The following ATP1A3 variants were observed in gnomAD, a reference collection of about 807,000 sequenced individuals.
The protein encoded by ATP1A3 is ATPase Na+/K+ transporting subunit alpha 3.
ATP1A3 carries 12 observed loss-of-function variants against 108.8 expected under a neutral mutation model. That is an observed-to-expected ratio of 0.11 (90% confidence interval 0.07 to 0.18). The LOEUF (loss-of-function observed/expected upper bound fraction) is 0.18. Among genes scored for constraint, ATP1A3 ranks in the 10% least tolerant of loss-of-function variants. The probability of loss-of-function intolerance (pLI) is 1.00; values close to 1 mark genes in which losing one functional copy is unlikely to be tolerated. For missense variants in ATP1A3, 498 were observed against 1,387.7 expected, an observed-to-expected ratio of 0.36 and a Z score of 10.19; for synonymous variants, 539 against 564.5, an observed-to-expected ratio of 0.95 and a Z score of 0.64.
At chr19:41,989,349 C>T (rs1195900149) in intron 1 of ATP1A3, among the ~76,000 whole-genome samples, 7 of 142,044 alleles carry the variant, frequency 4.9e-5, no homozygotes, top group East Asian at 2.1e-4. Flanking sequence ...GACGGAGTCT[C>T]GCTTAGTCGC....
At chr19:41,984,315 TC>T (rs1318276299) in intron 8 of ATP1A3, 2 of 153,032 alleles carry the variant, frequency 1.3e-5, no homozygotes, top group Non-Finnish European at 2.9e-5. Flanking sequence ...AACCTCCGCC[TC>T]CCAGGTTCAA....
rs1227177351 is a variant in ATP1A3, at chr19:41,966,685, C to G, written c.*252G>C. ...AAAGAGCCCAGGGAGGTGGCTGGGG[C>G]GGGAGGAATGGATAGAGGGGTGAGG... On this transcript the variant is annotated 3_prime_UTR_variant, in exon 23 of 23. Coordinates refer to ENST00000648268, the MANE Select transcript of ATP1A3 (RefSeq NM_152296.5). The G allele has an allele frequency of 6.5e-7, 1 of 1,532,684 alleles. No individual in the cohort carries two copies. Among genetic ancestry groups the G allele is most frequent in the African/African-American group, 1.4e-5 (1 of 72,188 alleles). 94.9% of individuals were successfully genotyped at this position (1,532,684 alleles called of 1,614,324 possible).
At chr19:41,974,645 C>T (rs2075146960) in intron 16 of ATP1A3, among the ~76,000 whole-genome samples, 9 of 152,234 alleles carry the variant, frequency 5.9e-5, no homozygotes, top group Admixed American at 5.9e-4. Flanking sequence ...GAAGAAAATC[C>T]ACCAAGGCAT....
chr19:41,983,081 A>C (rs1170795099), intron 8 of ATP1A3, among the ~76,000 whole-genome samples: 1 of 151,126 alleles, frequency 6.6e-6, no homozygotes, highest in Non-Finnish European at 1.5e-5. Context: ...AAAACAGTAA[A>C]CTTTTTTTTT....
At chr19:41,969,012 C>G (rs2075073996) in intron 19 of ATP1A3, 97 bp from the exon 20 acceptor site, 1 of 1,578,588 alleles carries the variant, frequency 6.3e-7, no homozygotes, top group African/African-American at 1.3e-5. Context: ...CCGCCCCATC[C>G]TGCATGGGGT....
At position 41,968,695 on chromosome 19, in the gene ATP1A3, A is replaced by T. The variant is rs2075069922; in HGVS notation, c.2819+90T>A. 6.3e-7 allele frequency: 1 copy of T among 1,590,830 alleles called. No individual in the cohort carries two copies. The highest frequency in any genetic ancestry group is 1.3e-5 in the African/African-American group (1 of 74,366). On this transcript the variant is annotated intron_variant, in intron 20 of 22. Coordinates refer to ENST00000648268, the MANE Select transcript of ATP1A3 (RefSeq NM_152296.5). The surrounding 1 kb of genome is among the most constrained non-coding windows in gnomAD (Gnocchi z 5.0). Reference sequence around the variant, plus strand: ...TGCCTCAACAAAACAACAAAAAACCAAAGCAAGGACACAAGAGGAAGTACA... The same window carrying T: ...TGCCTCAACAAAACAACAAAAAACCTAAGCAAGGACACAAGAGGAAGTACA...
chr19:41,984,872 C>G (rs782006336), intron 8 of ATP1A3, 46 bp downstream of exon 8: 1 of 1,582,838 alleles, frequency 6.3e-7, no homozygotes, highest in South Asian at 1.1e-5. Flanking sequence ...CCCAGGAGCC[C>G]AGACCCCCAG....
intron 1 of ATP1A3, chr19:41,993,785 G>C (rs1473022217): frequency 1.6e-6 from 1 of 617,024 alleles, no homozygotes; most frequent in African/African-American, 1.9e-5. Context: ...ATACGCACAT[G>C]CAACTGTGCA....
intron 4 of ATP1A3, 55 bp downstream of exon 4, chr19:41,987,881 G>A (rs886857376): frequency 8.5e-5 from 135 of 1,592,052 alleles, no homozygotes; most frequent in East Asian, 1.3e-4. Context: ...GTTGGGGTGC[G>A]GTGTCCGTAA....
chr19:41,970,798 AT>A (rs538733809), intron 16 of ATP1A3, among the ~76,000 whole-genome samples: 2 of 149,468 alleles, frequency 1.3e-5, no homozygotes, highest in Non-Finnish European at 3.0e-5. Flanking sequence ...CGCCCGGCTA[AT>A]TTTTTTGTAT....
At position 41,969,600 on chromosome 19, in the gene ATP1A3, A is replaced by C. The variant is rs1555859325; in HGVS notation, c.2543-20T>G. 6.2e-7 allele frequency: 1 copy of C among 1,612,910 alleles called. No individual in the cohort carries two copies. The highest frequency in any genetic ancestry group is 1.1e-5 in the South Asian group (1 of 91,076). Reference sequence around the variant, plus strand: ...TCATTCCTGGAAGGAGGAGAGAGGAAGCCGAGGAGAGGCTCAGATTGGGGC... The same window carrying C: ...TCATTCCTGGAAGGAGGAGAGAGGACGCCGAGGAGAGGCTCAGATTGGGGC... On this transcript the variant is annotated intron_variant, in intron 18 of 22. Transcript: ENST00000648268.
In ATP1A3 at chr19:41,981,375, C is replaced by T. The variant is rs924963441; in HGVS notation, c.1437+127G>A. The stretch of plus-strand genomic sequence containing the variant: ...CCACTCTCAAGCTCTCCCTGTTCCT[C>T]TCCCCACCAGGCGGGTATTATCATT... On this transcript the variant is annotated intron_variant, in intron 11 of 22. Coordinates refer to ENST00000648268, the MANE Select transcript of ATP1A3 (RefSeq NM_152296.5). This position sits in a 1 kb window ranked among gnomAD's most constrained non-coding sequence, Gnocchi z 5.0. 1.4e-5 allele frequency: 20 copies of T among 1,460,970 alleles called. No individual in the cohort carries two copies. Among genetic ancestry groups the T allele is most frequent in the Non-Finnish European group, 1.8e-5 (19 of 1,051,184 alleles). 90.5% of individuals were successfully genotyped at this position (1,460,970 alleles called of 1,614,324 possible). A position where few individuals can be genotyped will look rare whatever the true frequency, so the allele number is the denominator to read the frequency against.
In ATP1A3 at chr19:41,977,961, T is replaced by C. The variant is rs1339490957; in HGVS notation, c.1918A>G (p.Ile640Val). Residue 640 changes from isoleucine (I) to valine (V), a missense_variant, in exon 14 of 23, where the codon ATT becomes GTT. Coordinates refer to ENST00000648268, the MANE Select transcript of ATP1A3 (RefSeq NM_152296.5). ...TVEDIAARLN[I>V]PVSQVNPRDA... Reference sequence around the variant, plus strand: ...CGGGGGTTAACCTGGCTGACGGGAATGTTGAGCCGGGCGGCGATGTCCTCC... The same window carrying C: ...CGGGGGTTAACCTGGCTGACGGGAACGTTGAGCCGGGCGGCGATGTCCTCC... 6.2e-7 allele frequency: 1 copy of C among 1,614,088 alleles called. No homozygotes were observed. The highest frequency in any genetic ancestry group is 8.5e-7 in the Non-Finnish European group (1 of 1,180,034).
chr19:41,986,739 ATTTTTTT>A, intron 4 of ATP1A3: 6 of 96,298 alleles, frequency 6.2e-5, no homozygotes, highest in Admixed American at 2.1e-4. Context: ...CTTTCCTGGC[ATTTTTTT>A]TTTTTTTTTT....
In ATP1A3 at chr19:41,988,206, C is replaced by A. The variant is rs2075304206; in HGVS notation, c.154-67G>T. ...CCTGGCACCCCAGGCCTTCACCAGA[C>A]CCCCAGAACTTAAGACACCAGCCAC... On this transcript the variant is annotated intron_variant, in intron 3 of 22. Coordinates refer to ENST00000648268, the MANE Select transcript of ATP1A3 (RefSeq NM_152296.5). The surrounding 1 kb of genome is among the most constrained non-coding windows in gnomAD (Gnocchi z 5.3). The A allele has an allele frequency of 1.2e-6, 2 of 1,612,090 alleles. No homozygotes were observed. The highest frequency in any genetic ancestry group is 1.7e-6 in the Non-Finnish European group (2 of 1,178,282).
Position 41,985,591 on chromosome 19 carries a change from G to A in ATP1A3, c.607-168C>T, listed in dbSNP as rs141923675. 3.4e-4 allele frequency among the ~76,000 whole-genome samples: 52 copies of A among 152,272 alleles called. No individual in the cohort carries two copies. The East Asian group carries it at 9.7e-3, about 28-fold the overall frequency. On this transcript the variant is annotated intron_variant, in intron 6 of 22. Coordinates refer to ENST00000648268, the MANE Select transcript of ATP1A3 (RefSeq NM_152296.5). This position sits in a 1 kb window ranked among gnomAD's most constrained non-coding sequence, Gnocchi z 8.2. ...GAGGCCAGAGGCTGGGATCTTGAAGGTGGGGAAGGCACAGTGCTGCTGGCC... is the reference window on the plus strand; with the variant it reads ...GAGGCCAGAGGCTGGGATCTTGAAGATGGGGAAGGCACAGTGCTGCTGGCC...
At chr19:41,984,850 T>A in intron 8 of ATP1A3, 68 bp downstream of exon 8, 4 of 1,455,444 alleles carry the variant, frequency 2.7e-6, no homozygotes, top group East Asian at 2.7e-5. Flanking sequence ...TCCCAGCCCC[T>A]CCTCCCTCAG....
At position 41,986,113 on chromosome 19, in the gene ATP1A3, C is replaced by A; in HGVS notation, c.471+3G>T. On this transcript the variant is annotated splice_donor_region_variant and intron_variant, in intron 5 of 22. Coordinates refer to ENST00000648268, the MANE Select transcript of ATP1A3 (RefSeq NM_152296.5). ...GTCTGGCCCCTTGCTGGGCACCCTT[C>A]ACCTGGGGCACCATGTTCTTGAAGG... The A allele has an allele frequency of 6.2e-7, 1 of 1,614,202 alleles. No homozygotes were observed. The highest frequency in any genetic ancestry group is 8.5e-7 in the Non-Finnish European group (1 of 1,180,026).
In ATP1A3 at chr19:41,988,138, C is replaced by A; in HGVS notation, c.155G>T (p.Gly52Val). ...CRKYNTDCVQ[G>V]LTHSKAQEIL... ...CTCCTGGGCTTTGCTGTGGGTCAAA[C>A]CCTGAGGGACAGAGGACTCACACAG... The change falls in exon 4 of 23, where the codon GGT (glycine) becomes GTT (valine). Residue 52 changes from glycine to valine, a missense_variant and splice_region_variant. Around this residue, in one of 9 missense-constraint regions of ATP1A3, gnomAD observed 127 missense variants for 464.0 expected, o/e 0.27. Transcript: ENST00000648268. This position sits in a 1 kb window ranked among gnomAD's most constrained non-coding sequence, Gnocchi z 5.3. The A allele has an allele frequency of 6.2e-7, 1 of 1,614,134 alleles. No individual in the cohort carries two copies. The highest frequency in any genetic ancestry group is 8.5e-7 in the Non-Finnish European group (1 of 1,180,028).
Sources: allele counts gnomAD v4.1 joint callset (sites outside exome capture counted in the v4.1 genomes callset), GRCh38; gene constraint gnomAD v4.1.1; regional missense constraint gnomAD v4.1.1; non-coding constraint Gnocchi (gnomAD v3.1); transcripts MANE v1.5; gene names NCBI Gene and HGNC (gene_info 2026-07-23, HGNC 2026-07-21).